The following ST6GALNAC3 variants were observed in gnomAD, a reference collection of about 807,000 sequenced individuals.
ST6GALNAC3 encodes ST6 N-acetylgalactosaminide alpha-2,6-sialyltransferase 3.
ST6GALNAC3 carries 25 observed loss-of-function variants against 32.7 expected under a neutral mutation model. The ratio of observed to expected loss-of-function variants is 0.76; its 90% CI spans 0.56 to 1.07. The LOEUF (loss-of-function observed/expected upper bound fraction) is 1.07. Among genes scored for constraint, ST6GALNAC3 ranks in the 50% least tolerant of loss-of-function variants. The pLI is 0.00. For missense variants in ST6GALNAC3, 355 were observed against 382.4 expected (o/e 0.93, Z 0.60); for synonymous variants, 129 against 133.1 (o/e 0.97, Z 0.21).
At chr1:76,356,258 G>C (rs1020242389) in intron 2 of ST6GALNAC3, among the ~76,000 whole-genome samples, 5 of 151,942 alleles carry the variant, frequency 3.3e-5, no homozygotes, top group African/African-American at 1.2e-4. Context: ...TTGTGTACTG[G>C]ACTCATGATG....
chr1:76,271,321 C>G (rs1255107527), intron 1 of ST6GALNAC3, among the ~76,000 whole-genome samples: 1 of 152,190 alleles, frequency 6.6e-6, no homozygotes, highest in Non-Finnish European at 1.5e-5. Context: ...TGAAATGCCA[C>G]TTCTTGGAAC....
intron 1 of ST6GALNAC3, among the ~76,000 whole-genome samples, chr1:76,193,475 C>A (rs765099289): frequency 1.3e-5 from 2 of 152,062 alleles, no homozygotes; most frequent in African/African-American, 4.8e-5. Flanking sequence ...AACATAACTA[C>A]GGTATATTTA....
At chr1:76,302,328 T>C (rs1296334562) in intron 1 of ST6GALNAC3, among the ~76,000 whole-genome samples, 1 of 152,016 alleles carries the variant, frequency 6.6e-6, no homozygotes, top group Non-Finnish European at 1.5e-5. Context: ...TATGAACTTG[T>C]ATCAGAAACC....
chr1:76,615,883 G>A (rs1648257642), intron 3 of ST6GALNAC3, among the ~76,000 whole-genome samples: 1 of 151,578 alleles, frequency 6.6e-6, no homozygotes, highest in South Asian at 2.1e-4. Context: ...TTGAGGGAAA[G>A]AAATTACTAC....
chr1:76,548,498 A>G (rs1186621934), intron 3 of ST6GALNAC3, among the ~76,000 whole-genome samples: 4 of 152,120 alleles, frequency 2.6e-5, no homozygotes, highest in Non-Finnish European at 5.9e-5. Context: ...TCACCCCAGC[A>G]TCACTTCCAT....
Position 76,169,619 on chromosome 1 carries a change from A to G in ST6GALNAC3, c.18+94735A>G, listed in dbSNP as rs558114254. ...TATGTCATAGATTTGGTCTCTTTACATAATCCCATATTTCTCAGACATTTT... is the reference window on the plus strand; with the variant it reads ...TATGTCATAGATTTGGTCTCTTTACGTAATCCCATATTTCTCAGACATTTT... On this transcript the variant is annotated intron_variant, in intron 1 of 4. Transcript: ENST00000328299. 1.1e-4 allele frequency among the ~76,000 whole-genome samples: 17 copies of G among 152,276 alleles called. No homozygotes were observed. In the South Asian group the frequency reaches 3.5e-3, roughly 32 times the overall value.
At chr1:76,244,191 T>A (rs2100676517) in intron 1 of ST6GALNAC3, among the ~76,000 whole-genome samples, 1 of 152,290 alleles carries the variant, frequency 6.6e-6, no homozygotes, top group East Asian at 1.9e-4. Flanking sequence ...TCCTAGATAT[T>A]TTATTCTCTT....
At chr1:76,525,739 ATATATATATGTG>A (rs201437534) in intron 3 of ST6GALNAC3, among the ~76,000 whole-genome samples, 4,593 of 129,174 alleles carry the variant, frequency 0.036, 179 homozygotes, top group East Asian at 0.12. Flanking sequence ...GTGTATATGT[ATATATATATGTG>A]TATATATGTG....
intron 1 of ST6GALNAC3, among the ~76,000 whole-genome samples, chr1:76,263,841 A>C (rs1207794393): frequency 6.6e-6 from 1 of 152,046 alleles, no homozygotes; most frequent in Non-Finnish European, 1.5e-5. Flanking sequence ...TTTTTTTTTT[A>C]AGCCTTTTAT....
chr1:76,092,675 C>T (rs1374161084), intron 1 of ST6GALNAC3, among the ~76,000 whole-genome samples: 4 of 152,288 alleles, frequency 2.6e-5, no homozygotes, highest in Admixed American at 2.6e-4. Flanking sequence ...TAATATTCTG[C>T]AATTATTGTC....
chr1:76,143,386 C>T (rs1383263726), intron 1 of ST6GALNAC3, among the ~76,000 whole-genome samples: 2 of 86,584 alleles, frequency 2.3e-5, no homozygotes, highest in African/African-American at 6.4e-5. Flanking sequence ...GGACTTCTTA[C>T]CAAGTCGTGT....
intron 3 of ST6GALNAC3, among the ~76,000 whole-genome samples, chr1:76,444,170 C>T (rs759387763): frequency 3.3e-5 from 5 of 152,230 alleles, no homozygotes; most frequent in Non-Finnish European, 5.9e-5. Context: ...CTGATAGCCG[C>T]TGGCATGGCA....
intron 2 of ST6GALNAC3, among the ~76,000 whole-genome samples, chr1:76,409,158 C>G (rs1041142915): frequency 6.6e-6 from 1 of 152,110 alleles, no homozygotes; most frequent in African/African-American, 2.4e-5. Context: ...ATGGCACTAA[C>G]CTATAAAACT....
intron 3 of ST6GALNAC3, among the ~76,000 whole-genome samples, chr1:76,520,859 A>C (rs112494766): frequency 0.019 from 2,888 of 152,256 alleles, 41 homozygotes; most frequent in Non-Finnish European, 0.028. Context: ...CACACATATA[A>C]ATTTTAAAAA....
chr1:76,455,833 G>A (rs1657739845), intron 3 of ST6GALNAC3, among the ~76,000 whole-genome samples: 4 of 152,104 alleles, frequency 2.6e-5, no homozygotes, highest in African/African-American at 9.7e-5. Context: ...AATTTTCAGA[G>A]CCTCTTTACC....
chr1:76,452,944 T>C (rs535300980), intron 3 of ST6GALNAC3, among the ~76,000 whole-genome samples: 2 of 152,292 alleles, frequency 1.3e-5, no homozygotes, highest in South Asian at 2.1e-4. Context: ...TTGATTACCA[T>C]TTCAGTCTTG....
At chr1:76,626,391 G>A (rs999571432) in intron 3 of ST6GALNAC3, among the ~76,000 whole-genome samples, 3 of 151,868 alleles carry the variant, frequency 2.0e-5, no homozygotes, top group Non-Finnish European at 2.9e-5. Flanking sequence ...TAAGGAGATG[G>A]ACAGTCATCT....
intron 2 of ST6GALNAC3, among the ~76,000 whole-genome samples, chr1:76,342,369 CTGT>C (rs1296842442): frequency 1.3e-5 from 2 of 152,148 alleles, no homozygotes; most frequent in Non-Finnish European, 2.9e-5. Flanking sequence ...TCTCCAGCAT[CTGT>C]TGTTTCCTGA....
intron 1 of ST6GALNAC3, among the ~76,000 whole-genome samples, chr1:76,302,307 C>T (rs543863554): frequency 5.9e-5 from 9 of 152,074 alleles, no homozygotes; most frequent in Non-Finnish European, 1.3e-4. Flanking sequence ...TGTTTGTTTT[C>T]GCACTGTCAG....
Sources: allele counts gnomAD v4.1 joint callset (sites outside exome capture counted in the v4.1 genomes callset), GRCh38; gene constraint gnomAD v4.1.1; transcripts MANE v1.5; gene names NCBI Gene and HGNC (gene_info 2026-07-23, HGNC 2026-07-21).